SLC5A11: variants seen among roughly 807,000 people sequenced by gnomAD.
The protein encoded by SLC5A11 is solute carrier family 5 member 11.
A neutral mutation model predicts 69.8 loss-of-function variants in SLC5A11; 48 were observed. That is an observed-to-expected ratio of 0.69 (90% CI 0.55 to 0.87). The LOEUF is 0.87. Among genes scored for constraint, SLC5A11 ranks in the 40% least tolerant of loss-of-function variants. SLC5A11 has a pLI of 0.00. For synonymous variants in SLC5A11, 319 were observed against 342.4 expected (o/e 0.93, Z 0.75); for missense variants, 784 against 866.1 (o/e 0.91, Z 1.19).
In SLC5A11 at chr16:24,848,834, G is replaced by C. The variant is rs1448507627; in HGVS notation, c.-25+2396G>C. Reference sequence around the variant, plus strand: ...AAATAATAAAATAAAAAGGAAGGAAGAATGGATATCGGGGAGGTAAGACTG... The same window carrying C: ...AAATAATAAAATAAAAAGGAAGGAACAATGGATATCGGGGAGGTAAGACTG... On this transcript the variant is annotated intron_variant, in intron 1 of 15. Transcript: ENST00000347898. Among the ~76,000 whole-genome samples, 3 of 152,044 alleles carry C rather than the reference G, an allele frequency of 2.0e-5. No homozygotes were observed. The East Asian group carries it at 5.8e-4, about 29-fold the overall frequency.
intron 12 of SLC5A11, among the ~76,000 whole-genome samples, chr16:24,907,572 G>C (rs1379707481): frequency 6.6e-6 from 1 of 152,044 alleles, no homozygotes; most frequent in East Asian, 1.9e-4. Context: ...ATTAGCTGTG[G>C]TGGCGTGTGC....
chr16:24,876,577 G>A (rs1288878036), intron 6 of SLC5A11, among the ~76,000 whole-genome samples: 1 of 152,156 alleles, frequency 6.6e-6, no homozygotes, highest in African/African-American at 2.4e-5. Context: ...AGGGGTGAGG[G>A]GGAGCAGAAG....
In SLC5A11 at chr16:24,862,459, T is replaced by C. The variant is rs1597024368; in HGVS notation, c.136-142T>C. 2.3e-5 allele frequency: 13 copies of C among 568,758 alleles called. No homozygotes were observed. The East Asian group carries it at 3.7e-4, about 16-fold the overall frequency. 35.2% of individuals were successfully genotyped at this position (568,758 alleles called of 1,614,324 possible). On this transcript the variant is annotated intron_variant, in intron 2 of 15. Coordinates refer to ENST00000347898, the Ensembl canonical transcript of SLC5A11. ...ACAAAATTAAAATTTTATCCAAAAC[T>C]CTGGGAGAAACAAAATATATTTGAT...
intron 7 of SLC5A11, among the ~76,000 whole-genome samples, chr16:24,879,957 T>C (rs2047932102): frequency 6.6e-6 from 1 of 152,192 alleles, no homozygotes; most frequent in Non-Finnish European, 1.5e-5. Flanking sequence ...GTCTTTGCTA[T>C]TGTGCGTAGT....
At chr16:24,853,749 G>C (rs1265733802) in intron 1 of SLC5A11, among the ~76,000 whole-genome samples, 1 of 152,230 alleles carries the variant, frequency 6.6e-6, no homozygotes, top group Non-Finnish European at 1.5e-5. Context: ...ATTCCCACCT[G>C]TGAAATGGAG....
In SLC5A11 at chr16:24,877,380, G is replaced by T; in HGVS notation, c.583+17G>T. The T allele has an allele frequency of 1.3e-6, 2 of 1,599,432 alleles. No homozygotes were observed. ...CGGTTGCTGGTAAGACTGAACAAAG[G>T]GTAACACCTAGCAGAGGCAGTGGGC... On this transcript the variant is annotated intron_variant, in intron 7 of 15. Transcript: ENST00000347898.
At chr16:24,869,773 A>G in intron 3 of SLC5A11, 128 bp from the exon 5 acceptor site, 2 of 621,386 alleles carry the variant, frequency 3.2e-6, no homozygotes, top group Non-Finnish European at 2.9e-6. Context: ...AATGCCAGAT[A>G]GGCTAGGGGT....
intron 1 of SLC5A11, among the ~76,000 whole-genome samples, chr16:24,849,593 A>AATATATATATATATATATATATAT (rs1555515955): frequency 5.6e-5 from 2 of 35,900 alleles, no homozygotes; most frequent in Non-Finnish European, 1.1e-4. Flanking sequence ...AAAAAAAAAA[A>AATATATATATATATATATATATAT]ATATATATAT....
At chr16:24,906,527 G>C in intron 10 of SLC5A11, 130 bp from the exon 12 acceptor site, 1 of 498,208 alleles carries the variant, frequency 2.0e-6, no homozygotes, top group Non-Finnish European at 3.5e-6. Flanking sequence ...AGCTTATAAA[G>C]TCTAGACTCT....
intron 1 of SLC5A11, among the ~76,000 whole-genome samples, chr16:24,850,713 A>G (rs779983288): frequency 1.3e-5 from 2 of 152,322 alleles, no homozygotes; most frequent in South Asian, 4.1e-4. Context: ...CCTCACCTGT[A>G]CAATGGAGTT....
intron 1 of SLC5A11, among the ~76,000 whole-genome samples, chr16:24,852,651 T>C (rs1461454506): frequency 6.6e-6 from 1 of 152,116 alleles, no homozygotes; most frequent in African/African-American, 2.4e-5. Flanking sequence ...CCGGGGTCAC[T>C]TCACCGAGTG....
Position 24,883,081 on chromosome 16 carries a change from T to C in SLC5A11, c.584-970T>C, listed in dbSNP as rs79032676. ...TTATCCAGTCTTAAAAATAAAGGTG[T>C]TGGCTGGGTGTAGTTGCTTACACCC... is the stretch of plus-strand genomic sequence containing the variant. On this transcript the variant is annotated intron_variant, in intron 7 of 15. Coordinates refer to ENST00000347898, the Ensembl canonical transcript of SLC5A11. 2.3e-3 allele frequency among the ~76,000 whole-genome samples: 345 copies of C among 152,276 alleles called. 1 individual carries two copies. In the Middle Eastern group the frequency reaches 0.024, roughly 11 times the overall value.
At chr16:24,866,798 A>G (rs1247349292) in intron 3 of SLC5A11, among the ~76,000 whole-genome samples, 2 of 152,166 alleles carry the variant, frequency 1.3e-5, no homozygotes, top group African/African-American at 2.4e-5. Context: ...AGAAAATTAC[A>G]TAATGATAAA....
chr16:24,869,232 G>A (rs2095439259), intron 3 of SLC5A11, among the ~76,000 whole-genome samples: 1 of 152,056 alleles, frequency 6.6e-6, no homozygotes, highest in Non-Finnish European at 1.5e-5. Context: ...GAGCAGCACA[G>A]GGTGAAACAT....
At chr16:24,886,580 A>G (rs1321401563) in intron 8 of SLC5A11, among the ~76,000 whole-genome samples, 2 of 152,212 alleles carry the variant, frequency 1.3e-5, no homozygotes, top group Non-Finnish European at 1.5e-5. Flanking sequence ...AAGGAGGATG[A>G]TATATCTAGC....
At chr16:24,860,731 G>A (rs111846438) in intron 2 of SLC5A11, among the ~76,000 whole-genome samples, 25,087 of 151,122 alleles carry the variant, frequency 0.17, 2,373 homozygotes, top group East Asian at 0.28. Context: ...GTTTTGAGAC[G>A]GAGTCTTGCT....
intron 10 of SLC5A11, among the ~76,000 whole-genome samples, chr16:24,905,640 G>GCACACACA (rs56335988): frequency 3.3e-4 from 45 of 136,776 alleles, no homozygotes; most frequent in Admixed American, 9.5e-4. Flanking sequence ...GCGCGCGCGC[G>GCACACACA]CACACACACA....
At chr16:24,855,434 C>CA (rs143252263) in intron 1 of SLC5A11, among the ~76,000 whole-genome samples, 24,500 of 89,952 alleles carry the variant, frequency 0.27, 3,289 homozygotes, top group African/African-American at 0.41. Context: ...TTCATCTCTA[C>CA]AAAAAAAAAA....
intron 1 of SLC5A11, among the ~76,000 whole-genome samples, chr16:24,852,390 G>C (rs559062906): frequency 6.6e-6 from 1 of 152,320 alleles, no homozygotes; most frequent in South Asian, 2.1e-4. Flanking sequence ...GTGGCCAAAA[G>C]GAAGGGATGA....
Sources: allele counts gnomAD v4.1 joint callset (sites outside exome capture counted in the v4.1 genomes callset), GRCh38; gene constraint gnomAD v4.1.1; transcripts MANE v1.5; gene names NCBI Gene and HGNC (gene_info 2026-07-23, HGNC 2026-07-21).